Variants in CSN1S1 observed in about 807,000 individuals in gnomAD.
The protein encoded by CSN1S1 is casein alpha s1, also known as alpha-S1-casein.
In CSN1S1, 63 loss-of-function variants were observed where a neutral mutation model predicts 49.1. The observed-to-expected ratio is 1.28, with a 90% CI of 1.05 to 1.58. CSN1S1 has a LOEUF of 1.58. CSN1S1 is among the 40% of genes most tolerant of loss of function. The pLI, the probability that CSN1S1 is intolerant of heterozygous loss-of-function variation, is 0.00. For missense variants in CSN1S1, 260 were observed against 224.7 expected (o/e 1.16, Z -1.01); for synonymous variants, 78 against 67.1 (o/e 1.16, Z -0.79).
intron 9 of CSN1S1, among the ~76,000 whole-genome samples, chr4:69,938,609 T>C (rs114915663): frequency 0.015 from 2,291 of 151,832 alleles, 57 homozygotes; most frequent in African/African-American, 0.053. Context: ...ATTAATCTGT[T>C]AAAATATGTA....
intron 2 of CSN1S1, among the ~76,000 whole-genome samples, chr4:69,932,971 T>G (rs2109711511): frequency 6.6e-6 from 1 of 152,108 alleles, no homozygotes; most frequent in East Asian, 1.9e-4. Flanking sequence ...TTTCTAAAAA[T>G]GTAATAGTTG....
At chr4:69,940,369 C>T (rs1281728568) in intron 11 of CSN1S1, among the ~76,000 whole-genome samples, 1 of 151,678 alleles carries the variant, frequency 6.6e-6, no homozygotes. Context: ...TCCCAGTTAT[C>T]TAATTCACAG....
At chr4:69,932,042 G>T (rs1722623929) in intron 1 of CSN1S1, among the ~76,000 whole-genome samples, 1 of 151,792 alleles carries the variant, frequency 6.6e-6, no homozygotes, top group Admixed American at 6.6e-5. Flanking sequence ...GATTTTTCAT[G>T]AAGACTCTAA....
chr4:69,940,979 T>C (rs889872429), intron 11 of CSN1S1, 40 bp from the exon 12 acceptor site: 2 of 1,108,514 alleles, frequency 1.8e-6, no homozygotes, highest in African/African-American at 3.2e-5. Context: ...TTGGACTGAA[T>C]GACATCCAAG....
At position 69,932,740 on chromosome 4, in the gene CSN1S1, A is replaced by G. The variant is rs1722648048; in HGVS notation, c.51+134A>G. 22 of 763,502 alleles carry G rather than the reference A, an allele frequency of 2.9e-5. No homozygotes were observed. The South Asian group carries it at 3.5e-4, about 12-fold the overall frequency. 47.3% of individuals were successfully genotyped at this position (763,502 alleles called of 1,614,324 possible). A position where few individuals can be genotyped will look rare whatever the true frequency, so the allele number is the denominator to read the frequency against. ...TCTAATTGGCCTCTGAAGTCTTGAC[A>G]ATAGAAATGCAGTAATGCTTCACAT... On this transcript the variant is annotated intron_variant, in intron 2 of 15. Transcript: ENST00000246891.
chr4:69,936,850 A>G (rs1722803031), intron 7 of CSN1S1, among the ~76,000 whole-genome samples: 1 of 151,984 alleles, frequency 6.6e-6, no homozygotes, highest in East Asian at 1.9e-4. Context: ...TAACAAATAA[A>G]CAAATAAATG....
chr4:69,932,934 C>G (rs561200135), intron 2 of CSN1S1, among the ~76,000 whole-genome samples: 1 of 151,906 alleles, frequency 6.6e-6, no homozygotes, highest in African/African-American at 2.4e-5. Flanking sequence ...TAGGCCTGTT[C>G]CTTGAGTCTA....
intron 1 of CSN1S1, among the ~76,000 whole-genome samples, chr4:69,931,818 G>C (rs983764763): frequency 3.0e-4 from 46 of 151,850 alleles, no homozygotes; most frequent in African/African-American, 1.0e-3. Flanking sequence ...CATTTTCCCA[G>C]TACATGTGGA....
chr4:69,934,836 A>G, intron 4 of CSN1S1, 126 bp downstream of exon 4: 1 of 791,614 alleles, frequency 1.3e-6, no homozygotes, highest in South Asian at 1.6e-5. Flanking sequence ...CCAACAACTC[A>G]AGTACCTGGA....
At position 69,937,935 on chromosome 4, in the gene CSN1S1, A is replaced by T. The variant is rs10029240; in HGVS notation, c.243+112A>T. ...TGAAATTAAGCAAAATAAGAAACTG[A>T]ATTTTAAAATGTTAACATTTTAATT... On this transcript the variant is annotated intron_variant, in intron 9 of 15. Coordinates refer to ENST00000246891, the MANE Select transcript of CSN1S1 (RefSeq NM_001890.2). The T allele has an allele frequency of 6.9e-4, 436 of 630,528 alleles. 2 individuals are homozygous for T. The African/African-American group carries it at 7.6e-3, about 11-fold the overall frequency. 39.1% of individuals were successfully genotyped at this position (630,528 alleles called of 1,614,324 possible). A position where few individuals can be genotyped will look rare whatever the true frequency, so the allele number is the denominator to read the frequency against.
chr4:69,936,199 T>C (rs1440417674), intron 5 of CSN1S1, among the ~76,000 whole-genome samples: 3 of 152,050 alleles, frequency 2.0e-5, no homozygotes, highest in African/African-American at 7.2e-5. Context: ...AAAATAAATT[T>C]ATTTTTAAAT....
At chr4:69,933,163 A>C (rs1451130215) in intron 2 of CSN1S1, among the ~76,000 whole-genome samples, 1 of 150,930 alleles carries the variant, frequency 6.6e-6, no homozygotes, top group Non-Finnish European at 1.5e-5. Flanking sequence ...ACTGTAGACA[A>C]TGAAACTAGA....
intron 11 of CSN1S1, among the ~76,000 whole-genome samples, chr4:69,940,643 T>G (rs1160685477): frequency 6.6e-6 from 1 of 151,836 alleles, no homozygotes; most frequent in African/African-American, 2.4e-5. Flanking sequence ...GGATAGCATT[T>G]GAAAAATTAT....
At chr4:69,935,875 G>C in intron 4 of CSN1S1, 51 bp from the exon 5 acceptor site, 1 of 1,160,460 alleles carries the variant, frequency 8.6e-7, no homozygotes, top group Admixed American at 2.2e-5. Context: ...TAAATGATTT[G>C]ATAGATAACT....
rs1491537992 is a variant in CSN1S1, at chr4:69,940,111, T to TCCCACACA, written c.300+68_300+69insCCACACAC. On this transcript the variant is annotated intron_variant, in intron 11 of 15. Transcript: ENST00000246891. Reference sequence around the variant, plus strand: ...CAGGATAATTAAAATGCACTTACTTTCACACACACACACACACACACACAC... The same window carrying TCCCACACA: ...CAGGATAATTAAAATGCACTTACTTTCCCACACACACACACACACACACACACACACAC... 1.2e-5 allele frequency: 5 copies of TCCCACACA among 405,370 alleles called. No homozygotes were observed. In the Admixed American group the frequency reaches 2.3e-4, roughly 18 times the overall value. 25.1% of individuals were successfully genotyped at this position (405,370 alleles called of 1,614,324 possible). A position where few individuals can be genotyped will look rare whatever the true frequency, so the allele number is the denominator to read the frequency against.
At chr4:69,945,760 G>A (rs1241487547) in intron 15 of CSN1S1, among the ~76,000 whole-genome samples, 1 of 151,836 alleles carries the variant, frequency 6.6e-6, no homozygotes, top group Non-Finnish European at 1.5e-5. Flanking sequence ...AAGTCACATA[G>A]ATAAATAAAG....
Position 69,943,503 on chromosome 4 carries a change from T to C in CSN1S1, c.402+926T>C, listed in dbSNP as rs570382553. ...TCAATGTAATTATTTTTAAAAAAAG[T>C]GTGACAACTATATATGCATTTTTCA... On this transcript the variant is annotated intron_variant, in intron 14 of 15. Transcript: ENST00000246891. 2.6e-5 allele frequency among the ~76,000 whole-genome samples: 4 copies of C among 152,116 alleles called. No individual in the cohort carries two copies. The South Asian group carries it at 8.3e-4, about 32-fold the overall frequency.
Position 69,946,254 on chromosome 4 carries a change from A to C in CSN1S1, c.*58A>C. The stretch of plus-strand genomic sequence containing the variant: ...CTCTCAAGGAAAACCATCTTATCTG[A>C]AGACTGGACTGTTGTTTTAGAATAG... On this transcript the variant is annotated 3_prime_UTR_variant, in exon 16 of 16. Transcript: ENST00000246891. The C allele has an allele frequency of 2.1e-6, 1 of 475,214 alleles. No individual in the cohort carries two copies. Among genetic ancestry groups the C allele is most frequent in the East Asian group, 3.3e-5 (1 of 30,080 alleles). The allele number at this position is 475,214 out of a possible 1,614,324, so 29.4% of individuals were successfully genotyped here. A position where few individuals can be genotyped will look rare whatever the true frequency, so the allele number is the denominator to read the frequency against.
At chr4:69,945,052 A>G in intron 15 of CSN1S1, 48 bp downstream of exon 15, 1 of 1,590,464 alleles carries the variant, frequency 6.3e-7, no homozygotes, top group Non-Finnish European at 8.6e-7. Context: ...CAAAGGAATG[A>G]AATAGAATAG....
Sources: gnomAD v4.1 joint callset for allele counts (sites outside exome capture counted in the v4.1 genomes callset) on GRCh38, gnomAD v4.1.1 for gene constraint, MANE v1.5 for transcripts, NCBI Gene and HGNC (gene_info 2026-07-23, HGNC 2026-07-21) for gene names.